The following CPNE7 variants were observed in gnomAD, a reference collection of about 807,000 sequenced individuals.
CPNE7 encodes the protein copine-7.
CPNE7 carries 78 observed loss-of-function variants against 66.5 expected under a neutral mutation model. That is an observed-to-expected ratio of 1.17 (90% CI 0.98 to 1.42). CPNE7 has a LOEUF of 1.42. Among genes scored for constraint, CPNE7 ranks in the 40% most tolerant of loss-of-function variants. The pLI, the probability that CPNE7 is intolerant of heterozygous loss-of-function variation, is 0.00. For missense variants in CPNE7, 1,012 were observed against 776.6 expected (o/e 1.30, Z -3.60); for synonymous variants, 468 against 336.7 (o/e 1.39, Z -4.27).
Position 89,587,748 on chromosome 16 carries a change from CCGTGTCACCCG to C in CPNE7, c.927+657_927+667del, listed in dbSNP as rs1368675447. 1,111 of 127,124 alleles carry C rather than the reference CCGTGTCACCCG, an allele frequency of 8.7e-3. 27 individuals are homozygous for C. Among genetic ancestry groups the C allele is most frequent in the East Asian group, 0.03 (113 of 3,716 alleles). The allele number at this position is 127,124 out of a possible 1,614,324, so 7.9% of individuals were successfully genotyped here. A position where few individuals can be genotyped will look rare whatever the true frequency, so the allele number is the denominator to read the frequency against. ...CGTGTCACCCACAGATACACGGCCC[CCGTGTCACCCG>C]CGTGTCACCCACAGAAACACGGCCC... On this transcript the variant is annotated intron_variant, in intron 9 of 14. Transcript: ENST00000319518.
chr16:89,596,642 G>T lies in CPNE7; in HGVS notation c.*21G>T, dbSNP rs773990694. The T allele has an allele frequency of 1.3e-6, 2 of 1,577,614 alleles. No homozygotes were observed. The highest frequency in any genetic ancestry group is 2.7e-5 in the African/African-American group (2 of 73,970). ...CGTGAAGATGTGGAGGGCGTAGGGT[G>T]GGGGCAGTGAGGAATGGGTCCGTAC... On this transcript the variant is annotated 3_prime_UTR_variant, in exon 15 of 15. Transcript: ENST00000319518.
intron 9 of CPNE7, among the ~76,000 whole-genome samples, chr16:89,587,360 T>C (rs1489296244): frequency 1.4e-5 from 1 of 73,238 alleles, no homozygotes; most frequent in Non-Finnish European, 2.7e-5. Context: ...CCCGCCCCGC[T>C]CCCGAGGGGT....
intron 3 of CPNE7, 90 bp from the exon 4 acceptor site, chr16:89,583,938 G>A (rs2058995283): frequency 1.3e-6 from 2 of 1,529,798 alleles, no homozygotes; most frequent in Non-Finnish European, 1.8e-6. Context: ...GCCCCGCTGG[G>A]TGGGGTCAGC....
At chr16:89,581,959 T>C (rs577269750) in intron 2 of CPNE7, among the ~76,000 whole-genome samples, 2 of 152,252 alleles carry the variant, frequency 1.3e-5, no homozygotes, top group Non-Finnish European at 2.9e-5. Context: ...CACCTTTCTA[T>C]GTACACACAG....
At chr16:89,579,647 GTCACATGGAACATCCCTTCACCCA>G (rs2058917102) in intron 2 of CPNE7, among the ~76,000 whole-genome samples, 1 of 140,032 alleles carries the variant, frequency 7.1e-6, no homozygotes. Flanking sequence ...CATCTCACCC[GTCACATGGAACATCCCTTCACCCA>G]TCACATGGAA....
rs563947228 is a variant in CPNE7, at chr16:89,584,124, GCCTGGCTCAGGCTGAGGTCCGGGAA to G, written c.507+25_507+49del. 685 of 1,600,890 alleles carry G rather than the reference GCCTGGCTCAGGCTGAGGTCCGGGAA, an allele frequency of 4.3e-4. 1 individual carries two copies. The African/African-American group carries it at 8.3e-3, about 19-fold the overall frequency. ...CAAGGTGAGTGCAGGTGCCGGGCAC[GCCTGGCTCAGGCTGAGGTCCGGGAA>G]CCGGTTCGAAAACCCGGTCCCTGCC... On this transcript the variant is annotated intron_variant, in intron 4 of 14. Transcript: ENST00000319518. The surrounding 1 kb of genome is among the most constrained non-coding windows in gnomAD (Gnocchi z 6.0).
At position 89,585,670 on chromosome 16, in the gene CPNE7, A is replaced by AGGACTGGGCTCCCCAGTGCCT; in HGVS notation, c.682-14_688dup. On this transcript the variant is annotated splice_polypyrimidine_tract_variant and intron_variant, in intron 6 of 14. Transcript: ENST00000319518. ...GGGCCCCCAGACAGCAGTGCTGAGG[A>AGGACTGGGCTCCCCAGTGCCT]GGACTGGGCTCCCCAGTGCCTGGTC... 1 of 1,553,032 alleles carries AGGACTGGGCTCCCCAGTGCCT rather than the reference A, an allele frequency of 6.4e-7. No homozygotes were observed. Among genetic ancestry groups the AGGACTGGGCTCCCCAGTGCCT allele is most frequent in the South Asian group, 1.2e-5 (1 of 85,158 alleles).
rs759145225 is a variant in CPNE7, at chr16:89,591,173, C to T, written c.1215C>T (p.Val405=). 15 of 1,605,490 alleles carry T rather than the reference C, an allele frequency of 9.3e-6. No homozygotes were observed. Among genetic ancestry groups the T allele is most frequent in the Admixed American group, 1.7e-5 (1 of 58,388 alleles). ...VEAYQNCLPR[V]QLYGPTNVAP... is the part of the protein sequence containing the mutation. ...CCTACCAGAACTGCCTGCCCAGGGT[C>T]CAGCTCTACGGCCCCACCAACGTGG... is the stretch of plus-strand genomic sequence containing the variant. Residue 405 remains valine (V), a synonymous_variant, in exon 13 of 15, where the codon GTC becomes GTT. Coordinates refer to ENST00000319518, the MANE Select transcript of CPNE7 (RefSeq NM_153636.3).
At chr16:89,595,675 C>T (rs1304729731) in intron 14 of CPNE7, 72 bp downstream of exon 14, 20 of 1,333,364 alleles carry the variant, frequency 1.5e-5, no homozygotes, top group Non-Finnish European at 1.8e-5. Context: ...CAAGACCTTC[C>T]CAGGCCAGGC....
At chr16:89,588,870 G>A in intron 10 of CPNE7, 62 bp downstream of exon 10, 2 of 1,593,770 alleles carry the variant, frequency 1.3e-6, no homozygotes, top group Non-Finnish European at 1.7e-6. Flanking sequence ...GGTGCGCCTG[G>A]CCGTCTTCCC....
At chr16:89,579,445 CACACGGAACATCCTGTCACCTGCTG>C (rs2058912679) in intron 2 of CPNE7, among the ~76,000 whole-genome samples, 1 of 151,910 alleles carries the variant, frequency 6.6e-6, no homozygotes, top group South Asian at 2.1e-4. Flanking sequence ...CTTCACCCCT[CACACGGAACATCCTGTCACCTGCTG>C]ACACGGAACA....
At chr16:89,589,218 G>A (rs62068680) in intron 10 of CPNE7, among the ~76,000 whole-genome samples, 2,216 of 152,270 alleles carry the variant, frequency 0.015, 21 homozygotes, top group Non-Finnish European at 0.022. Context: ...CTGGAACCCG[G>A]GAGGCGGAGG....
In CPNE7 at chr16:89,588,774, G is replaced by C; in HGVS notation, c.1027G>C (p.Val343Leu). The C allele has an allele frequency of 6.2e-7, 1 of 1,613,706 alleles. No homozygotes were observed. ...YQPNEYLKAL[V>L]SVGEICQDYD... The stretch of plus-strand genomic sequence containing the variant: ...GCCGAACGAGTACCTGAAGGCACTG[G>C]TGTCCGTGGGCGAGATCTGCCAGGA... The change falls in exon 10 of 15, where the codon GTG becomes CTG. Residue 343 changes from valine (V) to leucine (L), a missense_variant. Transcript: ENST00000319518.
rs1414396001 is a variant in CPNE7, at chr16:89,596,731, T to A, written c.*110T>A. On this transcript the variant is annotated 3_prime_UTR_variant, in exon 15 of 15. Transcript: ENST00000319518. Reference sequence around the variant, plus strand: ...CCTCCGACCTCCCAGAAGCCTCCAGTCCCCACCAGGCCCCACTCCCAGTCC... The same window carrying A: ...CCTCCGACCTCCCAGAAGCCTCCAGACCCCACCAGGCCCCACTCCCAGTCC... 1 of 1,268,016 alleles carries A rather than the reference T, an allele frequency of 7.9e-7. No homozygotes were observed. Among genetic ancestry groups the A allele is most frequent in the Non-Finnish European group, 1.0e-6 (1 of 974,716 alleles). The allele number at this position is 1,268,016 out of a possible 1,614,324, so 78.5% of individuals were successfully genotyped here. A position where few individuals can be genotyped will look rare whatever the true frequency, so the allele number is the denominator to read the frequency against.
Position 89,596,880 on chromosome 16 carries a change from A to T in CPNE7, c.*259A>T, listed in dbSNP as rs1184204895. On this transcript the variant is annotated 3_prime_UTR_variant, in exon 15 of 15. Transcript: ENST00000319518. ...GGTGGAGGGAGGGAGATCATGAGGG[A>T]CTTGGAGGGAGCTGGGAGTTCATCC... The T allele has an allele frequency of 2.5e-6, 1 of 397,890 alleles. No homozygotes were observed. The highest frequency in any genetic ancestry group is 4.4e-6 in the Non-Finnish European group (1 of 226,130). The allele number at this position is 397,890 out of a possible 1,614,324, so 24.6% of individuals were successfully genotyped here.
chr16:89,576,997 T>A (rs1449702167), intron 1 of CPNE7, among the ~76,000 whole-genome samples: 2 of 152,072 alleles, frequency 1.3e-5, no homozygotes, highest in African/African-American at 4.8e-5. Context: ...CCTCAGAGCG[T>A]GAGCTGTACG....
At chr16:89,587,163 C>G (rs2059060820) in intron 9 of CPNE7, 61 bp downstream of exon 9, 1 of 948,124 alleles carries the variant, frequency 1.1e-6, no homozygotes, top group Non-Finnish European at 1.6e-6. Context: ...CCGCCCCGCC[C>G]CCTCAGTCCG....
At chr16:89,578,562 C>G (rs960885604) in intron 2 of CPNE7, among the ~76,000 whole-genome samples, 5 of 151,896 alleles carry the variant, frequency 3.3e-5, no homozygotes, top group South Asian at 4.2e-4. Context: ...GAGTTCGAGA[C>G]CAGCCTGGCC....
rs2058851143 is a variant in CPNE7 at position 89,575,775 on chromosome 16, G to T, written c.-123G>T. Reference sequence around the variant, plus strand: ...CCCGAGCCACGTGCGCCCGCGCCCGGCAGGCGTTCAGGGAAGCGCGGCCAC... The same window carrying T: ...CCCGAGCCACGTGCGCCCGCGCCCGTCAGGCGTTCAGGGAAGCGCGGCCAC... On this transcript the variant is annotated 5_prime_UTR_variant, in exon 1 of 15. Coordinates refer to ENST00000319518, the MANE Select transcript of CPNE7 (RefSeq NM_153636.3). The T allele has an allele frequency of 1.7e-5, 12 of 700,610 alleles. No homozygotes were observed. Among genetic ancestry groups the T allele is most frequent in the Non-Finnish European group, 1.8e-5 (10 of 565,226 alleles). 43.4% of individuals were successfully genotyped at this position (700,610 alleles called of 1,614,324 possible).
Sources: gnomAD v4.1 joint callset for allele counts (sites outside exome capture counted in the v4.1 genomes callset) on GRCh38, gnomAD v4.1.1 for gene constraint, Gnocchi (gnomAD v3.1) non-coding constraint, MANE v1.5 for transcripts, NCBI Gene and HGNC (gene_info 2026-07-23, HGNC 2026-07-21) for gene names.